CEP85L: variants seen among roughly 807,000 people sequenced by gnomAD.
The protein encoded by CEP85L is centrosomal protein 85L.
In CEP85L, 60 loss-of-function variants were observed where a neutral mutation model predicts 100.3. The observed-to-expected ratio is 0.60, with a 90% CI of 0.49 to 0.74. CEP85L has a LOEUF of 0.74. Among genes scored for constraint, CEP85L ranks in the 30% least tolerant of loss-of-function variants. The pLI is 0.00. For missense variants in CEP85L, 973 were observed against 936.2 expected, an observed-to-expected ratio of 1.04 and a Z score of -0.51; for synonymous variants, 319 against 322.7, an observed-to-expected ratio of 0.99 and a Z score of 0.12.
chr6:118,542,923 A>AAAAAAC (rs1554216838), intron 3 of CEP85L, among the ~76,000 whole-genome samples: 2 of 143,930 alleles, frequency 1.4e-5, no homozygotes, highest in Non-Finnish European at 3.1e-5. Flanking sequence ...AAAAAAAAAA[A>AAAAAAC]CAGGATATTC....
chr6:118,494,505 G>A (rs1774794473), intron 5 of CEP85L, among the ~76,000 whole-genome samples: 1 of 152,138 alleles, frequency 6.6e-6, no homozygotes, highest in African/African-American at 2.4e-5. Flanking sequence ...ACATAGAGGA[G>A]GGTTAATACA....
chr6:118,583,435 T>TA (rs1463037734), intron 2 of CEP85L, among the ~76,000 whole-genome samples: 5 of 152,190 alleles, frequency 3.3e-5, no homozygotes, highest in African/African-American at 1.2e-4. Context: ...GGAGACTTAC[T>TA]ATTTAAACAT....
chr6:118,584,343 TC>T (rs1780740305), intron 2 of CEP85L, among the ~76,000 whole-genome samples: 1 of 152,056 alleles, frequency 6.6e-6, no homozygotes, highest in Non-Finnish European at 1.5e-5. Flanking sequence ...TTTCTTCCTT[TC>T]CCCTCCCCAA....
intron 2 of CEP85L, among the ~76,000 whole-genome samples, chr6:118,631,750 C>G (rs1247488704): frequency 1.3e-5 from 2 of 151,904 alleles, no homozygotes; most frequent in East Asian, 3.8e-4. Flanking sequence ...TCTTGAAAAA[C>G]AAAACTATAG....
chr6:118,652,292 C>T, upstream of CEP85L: 2 of 621,320 alleles, frequency 3.2e-6, no homozygotes, highest in Non-Finnish European at 4.0e-6. Flanking sequence ...TACTCCTTCA[C>T]GTTCTTCCTC....
intron 2 of CEP85L, among the ~76,000 whole-genome samples, chr6:118,609,996 C>T (rs763087767): frequency 5.3e-5 from 8 of 150,466 alleles, no homozygotes; most frequent in Non-Finnish European, 7.4e-5. Flanking sequence ...AGAAGAGAGA[C>T]GCAAAAAAAA....
chr6:118,534,468 C>T (rs1041834151), intron 3 of CEP85L, among the ~76,000 whole-genome samples: 9 of 152,020 alleles, frequency 5.9e-5, no homozygotes, highest in Non-Finnish European at 1.0e-4. Flanking sequence ...GCCTGTCAAA[C>T]ATGGCAAAAC....
intron 1 of CEP85L, among the ~76,000 whole-genome samples, chr6:118,658,314 C>T (rs1389938104): frequency 6.6e-6 from 1 of 152,008 alleles, no homozygotes; most frequent in Non-Finnish European, 1.5e-5. Flanking sequence ...TGTTGAGTAC[C>T]AAAGTAGGGG....
chr6:118,617,583 T>A (rs911144769), intron 2 of CEP85L, among the ~76,000 whole-genome samples: 1 of 152,174 alleles, frequency 6.6e-6, no homozygotes. Flanking sequence ...CCGCCTCACA[T>A]ATCTCCCGCC....
At chr6:118,580,047 C>T (rs1780480151) in intron 2 of CEP85L, among the ~76,000 whole-genome samples, 1 of 152,170 alleles carries the variant, frequency 6.6e-6, no homozygotes, top group Non-Finnish European at 1.5e-5. Flanking sequence ...ACATGAATGA[C>T]ATACCTGGTC....
chr6:118,656,192 C>G (rs1775782237), upstream of CEP85L, among the ~76,000 whole-genome samples: 1 of 152,114 alleles, frequency 6.6e-6, no homozygotes, highest in Non-Finnish European at 1.5e-5. Context: ...GATAGATAAA[C>G]AGGGTTTTGC....
At chr6:118,569,359 A>G (rs2115017574) in intron 2 of CEP85L, among the ~76,000 whole-genome samples, 1 of 149,292 alleles carries the variant, frequency 6.7e-6, no homozygotes, top group Non-Finnish European at 1.5e-5. Context: ...AAAAAAAAAA[A>G]AAAAAAAAAG....
At chr6:118,521,110 T>C (rs1562225062) in intron 4 of CEP85L, among the ~76,000 whole-genome samples, 4 of 152,208 alleles carry the variant, frequency 2.6e-5, no homozygotes, top group African/African-American at 9.7e-5. Context: ...ATTTGAAAGG[T>C]ATCGCTGACC....
intron 3 of CEP85L, among the ~76,000 whole-genome samples, chr6:118,524,755 G>A (rs1776866993): frequency 6.6e-6 from 1 of 152,190 alleles, no homozygotes; most frequent in African/African-American, 2.4e-5. Flanking sequence ...AGGGGTCCTT[G>A]GAGAATCTCT....
chr6:118,566,055 G>A lies in CEP85L; in HGVS notation c.494C>T (p.Pro165Leu), dbSNP rs139462904. 2.2e-5 allele frequency: 36 copies of A among 1,614,032 alleles called. No individual in the cohort carries two copies. The highest frequency in any genetic ancestry group is 3.3e-5 in the South Asian group (3 of 91,076). The change falls in exon 3 of 13, where the codon CCG becomes CTG. Residue 165 changes from proline to leucine, a missense_variant. By Grantham distance (98) the Pro-to-Leu change is moderately conservative (BLOSUM62 -3). Around this residue, in one of 3 missense-constraint regions of CEP85L, gnomAD observed 890 missense variants for 844.5 expected, o/e 1.05. Coordinates refer to ENST00000368491, the MANE Select transcript of CEP85L (RefSeq NM_001042475.3). ...KWSSLSKLTAPDNCGQGGTVC... is the reference protein window; with the variant it reads ...KWSSLSKLTALDNCGQGGTVC... Reference sequence around the variant, plus strand: ...AGTGCCACCCTGGCCACAGTTATCCGGGGCAGTGAGTTTGGATAAAGATGA... The same window carrying A: ...AGTGCCACCCTGGCCACAGTTATCCAGGGCAGTGAGTTTGGATAAAGATGA...
At position 118,565,579 on chromosome 6, in the gene CEP85L, G is replaced by C. The variant is rs1779449880; in HGVS notation, c.970C>G (p.Gln324Glu). Residue 324 changes from glutamine to glutamate, a missense_variant, in exon 3 of 13, where the codon CAA (glutamine) becomes GAA (glutamate). Transcript: ENST00000368491. ...CGAAAGTCTTCAATTTGCTGCTGTT[G>C]CCAAGGAGCTAAACTGTAAGAATCC... ...TEDSYSLAPW[Q>E]QQQIEDFRQG... is the part of the protein sequence containing the mutation. 6.2e-7 allele frequency: 1 copy of C among 1,614,124 alleles called. No individual in the cohort carries two copies. Among genetic ancestry groups the C allele is most frequent in the Non-Finnish European group, 8.5e-7 (1 of 1,180,010 alleles).
intron 4 of CEP85L, among the ~76,000 whole-genome samples, chr6:118,516,085 G>A (rs928699394): frequency 2.6e-5 from 4 of 152,024 alleles, no homozygotes; most frequent in East Asian, 1.9e-4. Context: ...GAACTCATCC[G>A]TTTTTATGGC....
At chr6:118,550,575 C>A (rs944066753) in intron 3 of CEP85L, among the ~76,000 whole-genome samples, 2 of 151,882 alleles carry the variant, frequency 1.3e-5, no homozygotes, top group Middle Eastern at 3.4e-3. Context: ...CCCTATTCTA[C>A]AATTTAGGAA....
upstream of CEP85L, among the ~76,000 whole-genome samples, chr6:118,653,495 G>A (rs1406514347): frequency 6.6e-6 from 1 of 152,128 alleles, no homozygotes; most frequent in African/African-American, 2.4e-5. Context: ...TGGATGATAT[G>A]TACATGGTAT....
Sources: gnomAD v4.1 joint callset for allele counts (sites outside exome capture counted in the v4.1 genomes callset) on GRCh38, gnomAD v4.1.1 for gene constraint, gnomAD v4.1.1 regional missense constraint, MANE v1.5 for transcripts, NCBI Gene and HGNC (gene_info 2026-07-23, HGNC 2026-07-21) for gene names.